Variants in UGT1A4 observed in about 807,000 individuals in gnomAD.
The protein encoded by UGT1A4 is UDP glucuronosyltransferase family 1 member A4.
Under a neutral mutation model 41.1 loss-of-function variants are expected in UGT1A4, and 32 were observed. That is an observed-to-expected ratio of 0.78 (90% CI 0.59 to 1.05). The LOEUF (loss-of-function observed/expected upper bound fraction) is 1.05. Among genes scored for constraint, UGT1A4 ranks in the 50% least tolerant of loss-of-function variants. The pLI, the probability that UGT1A4 is intolerant of heterozygous loss-of-function variation, is 0.00. For missense variants in UGT1A4, 748 were observed against 677.4 expected (o/e 1.10, Z -1.16); for synonymous variants, 283 against 265.1 (o/e 1.07, Z -0.66).
intron 1 of UGT1A4, chr2:233,760,610 G>C: frequency 1.2e-6 from 2 of 1,614,182 alleles, no homozygotes; most frequent in Non-Finnish European, 1.7e-6. Context: ...TTCCTGCAGC[G>C]TGTGATCAAA....
At chr2:233,772,226 G>C (rs1559419626) in intron 4 of UGT1A4, 36 bp from the exon 5 acceptor site, 2 of 1,613,458 alleles carry the variant, frequency 1.2e-6, no homozygotes, top group Non-Finnish European at 1.7e-6. Context: ...CATACCACAG[G>C]TGTTCCAGGC....
intron 1 of UGT1A4, 125 bp downstream of exon 1, chr2:233,719,812 C>G: frequency 6.3e-7 from 1 of 1,587,558 alleles, no homozygotes; most frequent in South Asian, 1.1e-5. Context: ...TTCTTTATAA[C>G]AGATAAACTG....
chr2:233,728,580 C>A (rs28898616), intron 1 of UGT1A4, among the ~76,000 whole-genome samples: 1 of 152,188 alleles, frequency 6.6e-6, no homozygotes, highest in African/African-American at 2.4e-5. Flanking sequence ...GTGCGAAAAA[C>A]GACCAAAACC....
rs142877456 is a variant in UGT1A4, at chr2:233,729,472, A to G, written c.867+9785A>G. On this transcript the variant is annotated intron_variant, in intron 1 of 4. Transcript: ENST00000373409. ...GAAGAAATTTTTCAGAAGTATGGCA[A>G]TGTTGAACAATATGTCTTTGGTCTA... 29 of 1,614,082 alleles carry G rather than the reference A, an allele frequency of 1.8e-5. No homozygotes were observed. The highest frequency in any genetic ancestry group is 2.5e-5 in the Non-Finnish European group (29 of 1,180,048).
intron 1 of UGT1A4, chr2:233,747,772 G>C (rs1693773071): frequency 6.2e-7 from 1 of 1,613,364 alleles, no homozygotes; most frequent in Non-Finnish European, 8.5e-7. Context: ...GGCACACAGT[G>C]TCCAAATCCT....
intron 1 of UGT1A4, chr2:233,743,056 A>T: frequency 3.1e-6 from 1 of 325,774 alleles, no homozygotes; most frequent in South Asian, 2.6e-5. Context: ...AGTCCCAACG[A>T]TAAGAACAGG....
At chr2:233,753,194 GC>G (rs1375850984) in intron 1 of UGT1A4, 1 of 152,080 alleles carries the variant, frequency 6.6e-6, no homozygotes, top group Admixed American at 6.5e-5. Flanking sequence ...TTTTTCAAAA[GC>G]CCTGACAGTC....
At chr2:233,770,541 C>T (rs745905860) in intron 4 of UGT1A4, 1 of 151,870 alleles carries the variant, frequency 6.6e-6, no homozygotes, top group Non-Finnish European at 1.5e-5. Flanking sequence ...GCCTGTAATC[C>T]CAGCTATTTG....
chr2:233,721,721 C>T (rs2076966179), intron 1 of UGT1A4: 1 of 393,114 alleles, frequency 2.5e-6, no homozygotes. Flanking sequence ...GCTTTGTTTA[C>T]TTGGATAAGC....
At chr2:233,758,681 T>C (rs543730611) in intron 1 of UGT1A4, among the ~76,000 whole-genome samples, 2 of 152,218 alleles carry the variant, frequency 1.3e-5, no homozygotes, top group Admixed American at 6.5e-5. Context: ...ATATGTCCCA[T>C]AGGACACCAA....
chr2:233,731,166 G>T (rs1000792478), intron 1 of UGT1A4, among the ~76,000 whole-genome samples: 13 of 151,756 alleles, frequency 8.6e-5, no homozygotes, highest in Admixed American at 3.3e-4. Flanking sequence ...CAAACGACAT[G>T]ATTTTTTTAT....
At chr2:233,733,441 G>A (rs189365163) in intron 1 of UGT1A4, among the ~76,000 whole-genome samples, 194 of 152,182 alleles carry the variant, frequency 1.3e-3, no homozygotes, top group Non-Finnish European at 1.4e-3. Context: ...TATTGGCTGC[G>A]GGTTTGTCAT....
chr2:233,772,471 T>C lies in UGT1A4; in HGVS notation c.1517T>C (p.Ile506Thr), dbSNP rs1341191921. The C allele has an allele frequency of 1.2e-6, 2 of 1,614,022 alleles. No homozygotes were observed. The highest frequency in any genetic ancestry group is 1.7e-6 in the Non-Finnish European group (2 of 1,180,036). Residue 506 changes from isoleucine to threonine, a missense_variant, in exon 5 of 5, where the codon ATC (isoleucine) becomes ACC (threonine). Physicochemically the swap from Ile to Thr is moderately conservative, Grantham distance 89. Coordinates refer to ENST00000373409, the MANE Select transcript of UGT1A4 (RefSeq NM_007120.3). Reference sequence around the variant, plus strand: ...GCCGTCGTGCTGACAGTGGCCTTCATCACCTTTAAATGTTGTGCTTATGGC... The same window carrying C: ...GCCGTCGTGCTGACAGTGGCCTTCACCACCTTTAAATGTTGTGCTTATGGC... ...LLAVVLTVAF[I>T]TFKCCAYGYR...
chr2:233,767,556 C>T (rs1699418440), intron 2 of UGT1A4, among the ~76,000 whole-genome samples: 1 of 152,172 alleles, frequency 6.6e-6, no homozygotes, highest in African/African-American at 2.4e-5. Flanking sequence ...GTTCTGCATC[C>T]ACTTGTTTCA....
chr2:233,736,183 A>G (rs2078741283), intron 1 of UGT1A4, among the ~76,000 whole-genome samples: 2 of 152,176 alleles, frequency 1.3e-5, no homozygotes, highest in Non-Finnish European at 2.9e-5. Context: ...ACATAGTCCC[A>G]TATTTCTTCA....
chr2:233,743,915 A>G (rs769255302), intron 1 of UGT1A4: 3 of 1,364,544 alleles, frequency 2.2e-6, no homozygotes, highest in East Asian at 4.6e-5. Flanking sequence ...GTAGTCCACC[A>G]TGCTGGATGG....
intron 1 of UGT1A4, chr2:233,729,152 T>G: frequency 1.2e-6 from 2 of 1,613,556 alleles, no homozygotes. Context: ...CAGGTTCCCC[T>G]GCCGTGGCTG....
intron 1 of UGT1A4, among the ~76,000 whole-genome samples, chr2:233,737,662 C>T (rs972377767): frequency 1.3e-5 from 2 of 152,186 alleles, no homozygotes; most frequent in East Asian, 1.9e-4. Flanking sequence ...AGCTGCAGAT[C>T]GGAGCTGTTC....
rs2076824965 is a variant in UGT1A4, at chr2:233,720,038, T to G, written c.867+351T>G. On this transcript the variant is annotated intron_variant, in intron 1 of 4. Transcript: ENST00000373409. ...TCCTGGGGTTTTTGCTTGCCTGATTTTCAGCTGAACGGTGATGCAACAGTA... is the reference window on the plus strand; with the variant it reads ...TCCTGGGGTTTTTGCTTGCCTGATTGTCAGCTGAACGGTGATGCAACAGTA... Among the ~76,000 whole-genome samples, 3 of 152,190 alleles carry G rather than the reference T, an allele frequency of 2.0e-5. No individual in the cohort carries two copies. In the South Asian group the frequency reaches 6.2e-4, roughly 32 times the overall value.
Sources: gnomAD v4.1 joint callset for allele counts (sites outside exome capture counted in the v4.1 genomes callset) on GRCh38, gnomAD v4.1.1 for gene constraint, MANE v1.5 for transcripts, NCBI Gene and HGNC (gene_info 2026-07-23, HGNC 2026-07-21) for gene names.